GALNTL6: variants seen among roughly 807,000 people sequenced by gnomAD.
GALNTL6 encodes polypeptide N-acetylgalactosaminyltransferase-like 6.
GALNTL6 carries 46 observed loss-of-function variants against 73.7 expected under a neutral mutation model. The observed-to-expected ratio is 0.62, with a 90% CI of 0.49 to 0.80. GALNTL6 has a LOEUF of 0.80. Among genes scored for constraint, GALNTL6 ranks in the 30% least tolerant of loss-of-function variants. The pLI is 0.00. For missense variants in GALNTL6, 604 were observed against 755.0 expected (o/e 0.80, Z 2.34); for synonymous variants, 259 against 263.7 (o/e 0.98, Z 0.17).
At chr4:171,861,328 G>T (rs1342296285) in intron 2 of GALNTL6, among the ~76,000 whole-genome samples, 3 of 152,078 alleles carry the variant, frequency 2.0e-5, no homozygotes, top group African/African-American at 7.2e-5. Flanking sequence ...CTACAGGAAG[G>T]CCAGTCCAGT....
chr4:172,939,051 C>T (rs1437295567), intron 9 of GALNTL6, among the ~76,000 whole-genome samples: 1 of 152,198 alleles, frequency 6.6e-6, no homozygotes, highest in Non-Finnish European at 1.5e-5. Context: ...TGCCTGTAAT[C>T]CCAGTGCCTC....
At chr4:172,159,818 T>A (rs1734398081) in intron 2 of GALNTL6, among the ~76,000 whole-genome samples, 1 of 152,174 alleles carries the variant, frequency 6.6e-6, no homozygotes. Context: ...CTAGCTTTTG[T>A]GTGCAAAGTA....
chr4:172,263,417 C>G (rs772964661), intron 3 of GALNTL6, among the ~76,000 whole-genome samples: 1 of 151,358 alleles, frequency 6.6e-6, no homozygotes. Flanking sequence ...ATTTTTTAAA[C>G]TTTCCAGTGC....
intron 2 of GALNTL6, among the ~76,000 whole-genome samples, chr4:171,981,379 G>A (rs1247531853): frequency 6.6e-6 from 1 of 152,194 alleles, no homozygotes; most frequent in Admixed American, 6.5e-5. Context: ...TGAGCAGAGG[G>A]ATGACTTTCT....
intron 5 of GALNTL6, among the ~76,000 whole-genome samples, chr4:172,539,905 A>G (rs1735487916): frequency 8.2e-6 from 1 of 121,684 alleles, no homozygotes; most frequent in South Asian, 2.4e-4. Flanking sequence ...ATATATATAT[A>G]TAAAAAATCT....
chr4:172,622,882 C>T (rs1318316896), intron 5 of GALNTL6, among the ~76,000 whole-genome samples: 2 of 151,972 alleles, frequency 1.3e-5, no homozygotes, highest in South Asian at 4.1e-4. Flanking sequence ...TAAGGTTGAA[C>T]AGTAAAATGT....
chr4:172,859,336 C>G (rs567307653), intron 7 of GALNTL6, among the ~76,000 whole-genome samples: 6 of 152,226 alleles, frequency 3.9e-5, no homozygotes, highest in African/African-American at 1.4e-4. Flanking sequence ...TTGTTCTCAT[C>G]CTTGTTCAAG....
chr4:172,669,597 A>T (rs1315904743), intron 5 of GALNTL6, among the ~76,000 whole-genome samples: 3 of 152,158 alleles, frequency 2.0e-5, no homozygotes, highest in African/African-American at 7.2e-5. Flanking sequence ...GAATTTTGGA[A>T]TTTTTTTGTA....
At chr4:172,350,743 C>G (rs972036631) in intron 5 of GALNTL6, among the ~76,000 whole-genome samples, 1 of 151,960 alleles carries the variant, frequency 6.6e-6, no homozygotes. Flanking sequence ...ATTATATAAA[C>G]TAGGAAAGAC....
At chr4:172,251,536 G>A (rs1737871151) in intron 3 of GALNTL6, among the ~76,000 whole-genome samples, 1 of 152,098 alleles carries the variant, frequency 6.6e-6, no homozygotes, top group Non-Finnish European at 1.5e-5. Context: ...TCCTGAATAA[G>A]TCAGCTAACT....
At chr4:172,564,877 G>A (rs552128396) in intron 5 of GALNTL6, among the ~76,000 whole-genome samples, 2 of 152,334 alleles carry the variant, frequency 1.3e-5, no homozygotes, top group Admixed American at 6.5e-5. Flanking sequence ...TGTAGGCAGA[G>A]GAAAGTAAAT....
chr4:172,402,844 C>T (rs1293817766), intron 5 of GALNTL6, among the ~76,000 whole-genome samples: 7 of 152,066 alleles, frequency 4.6e-5, no homozygotes, highest in South Asian at 4.1e-4. Context: ...TTAAAGTATA[C>T]GATTTTTACT....
chr4:172,912,524 C>A (rs559548431), intron 8 of GALNTL6, among the ~76,000 whole-genome samples: 38 of 152,234 alleles, frequency 2.5e-4, no homozygotes, highest in Admixed American at 7.9e-4. Context: ...CCTAATACTG[C>A]GCTTTTCCAA....
At chr4:172,378,650 C>A (rs1743142355) in intron 5 of GALNTL6, among the ~76,000 whole-genome samples, 2 of 151,926 alleles carry the variant, frequency 1.3e-5, no homozygotes, top group Admixed American at 1.3e-4. Context: ...TTTATAGTTA[C>A]TACTCTAGAA....
chr4:172,540,039 CT>C (rs1456210868), intron 5 of GALNTL6, among the ~76,000 whole-genome samples: 2 of 142,982 alleles, frequency 1.4e-5, no homozygotes, highest in Non-Finnish European at 3.1e-5. Flanking sequence ...AGTGACAGAG[CT>C]TTCTTTCTTT....
At chr4:172,961,295 T>TG (rs1470611062) in intron 10 of GALNTL6, among the ~76,000 whole-genome samples, 2 of 34,338 alleles carry the variant, frequency 5.8e-5, no homozygotes, top group Admixed American at 3.4e-4. Context: ...AGAGAAGGGG[T>TG]GGGGGGTGCT....
At chr4:172,538,900 G>T (rs886192794) in intron 5 of GALNTL6, among the ~76,000 whole-genome samples, 1 of 152,108 alleles carries the variant, frequency 6.6e-6, no homozygotes, top group Non-Finnish European at 1.5e-5. Context: ...GGCAACACAA[G>T]ATGAAGTAGA....
chr4:171,900,923 G>A (rs773895636), intron 2 of GALNTL6, among the ~76,000 whole-genome samples: 4 of 152,098 alleles, frequency 2.6e-5, no homozygotes, highest in Admixed American at 1.3e-4. Flanking sequence ...GATTAAGGAG[G>A]CAATGGAAAA....
intron 5 of GALNTL6, among the ~76,000 whole-genome samples, chr4:172,518,890 C>G (rs192248151): frequency 7.9e-5 from 12 of 151,820 alleles, no homozygotes; most frequent in Admixed American, 3.9e-4. Context: ...AATAAAGACA[C>G]TAAGGTTTCA....
Sources: gnomAD v4.1 joint callset for allele counts (sites outside exome capture counted in the v4.1 genomes callset) on GRCh38, gnomAD v4.1.1 for gene constraint, MANE v1.5 for transcripts, NCBI Gene and HGNC (gene_info 2026-07-23, HGNC 2026-07-21) for gene names.